The following SPON1 variants were observed in gnomAD, a reference collection of about 807,000 sequenced individuals.
SPON1 encodes spondin 1, also known as spondin-1.
SPON1 carries 52 observed loss-of-function variants against 111.7 expected under a neutral mutation model. That is an observed-to-expected ratio of 0.47 (90% CI 0.37 to 0.59). The LOEUF (loss-of-function observed/expected upper bound fraction) is 0.59, where lower values mean the gene tolerates loss of function less well. Ranked by LOEUF, SPON1 falls within the 20% of genes least tolerant of loss-of-function variation. SPON1 has a pLI of 0.00. For synonymous variants in SPON1, 410 were observed against 395.8 expected (o/e 1.04, Z -0.43); for missense variants, 957 against 1,068.5 (o/e 0.90, Z 1.46).
At chr11:14,117,620 T>C (rs1339213140) in intron 5 of SPON1, among the ~76,000 whole-genome samples, 1 of 152,214 alleles carries the variant, frequency 6.6e-6, no homozygotes, top group African/African-American at 2.4e-5. Flanking sequence ...ATGAAAGAGA[T>C]TGGGCTTCCA....
intron 3 of SPON1, among the ~76,000 whole-genome samples, chr11:14,054,481 A>C (rs1241500932): frequency 2.0e-5 from 3 of 152,198 alleles, no homozygotes; most frequent in Admixed American, 6.5e-5. Flanking sequence ...ATTAACAATG[A>C]TATCAGAATT....
chr11:14,251,779 C>T lies in SPON1; in HGVS notation c.891-2749C>T, dbSNP rs151026337. Among the ~76,000 whole-genome samples, 739 of 152,334 alleles carry T rather than the reference C, an allele frequency of 4.9e-3. 18 individuals carry two copies. The highest frequency in any genetic ancestry group is 0.032 in the East Asian group (168 of 5,190). On this transcript the variant is annotated intron_variant, in intron 7 of 15. Transcript: ENST00000576479. ...CTAGAAGGCAGACCAGAACCCCGTC[C>T]TGTGAGTCCCTAGGCGAGGTAATGC... is the stretch of plus-strand genomic sequence containing the variant.
Position 14,254,718 on chromosome 11 carries a change from G to T in SPON1, c.1081G>T (p.Val361Leu). 1 of 1,613,842 alleles carries T rather than the reference G, an allele frequency of 6.2e-7. No homozygotes were observed. Among genetic ancestry groups the T allele is most frequent in the Non-Finnish European group, 8.5e-7 (1 of 1,179,886 alleles). ...CTGGGACGCTGGCACCGACAGCGGGGTGACCTATGAGGTGTGTGTGTGTGC... is the reference window on the plus strand; with the variant it reads ...CTGGGACGCTGGCACCGACAGCGGGTTGACCTATGAGGTGTGTGTGTGTGC... ...IPWDAGTDSG[V>L]TYESPNKPTI... Residue 361 changes from valine (V) to leucine (L), a missense_variant, in exon 8 of 16, where the codon GTG becomes TTG. By Grantham distance (32) the Val-to-Leu change is conservative (BLOSUM62 1). Transcript: ENST00000576479.
At chr11:14,192,409 A>G (rs187823272) in intron 6 of SPON1, among the ~76,000 whole-genome samples, 1 of 152,332 alleles carries the variant, frequency 6.6e-6, no homozygotes, top group Admixed American at 6.5e-5. Flanking sequence ...AGTCATTTGT[A>G]GCTTTGACAT....
chr11:14,211,365 GAACTC>G (rs1374114320), intron 6 of SPON1, among the ~76,000 whole-genome samples: 5 of 152,102 alleles, frequency 3.3e-5, no homozygotes, highest in African/African-American at 1.2e-4. Flanking sequence ...AATCATGAGC[GAACTC>G]CCATTCACAA....
chr11:14,063,295 TA>T (rs563264511), intron 3 of SPON1, among the ~76,000 whole-genome samples: 1 of 152,084 alleles, frequency 6.6e-6, no homozygotes, highest in East Asian at 1.9e-4. Flanking sequence ...ACCATTAAAA[TA>T]AAAAAAATTC....
At chr11:14,048,003 G>A (rs1319553752) in intron 3 of SPON1, among the ~76,000 whole-genome samples, 1 of 152,216 alleles carries the variant, frequency 6.6e-6, no homozygotes, top group East Asian at 1.9e-4. Flanking sequence ...ATTTTGGGAG[G>A]CTGAGGCGGG....
intron 6 of SPON1, among the ~76,000 whole-genome samples, chr11:14,152,371 T>C (rs1847798432): frequency 6.6e-6 from 1 of 152,224 alleles, no homozygotes; most frequent in Admixed American, 6.5e-5. Flanking sequence ...AACTACTGCT[T>C]CATTAATCAA....
chr11:14,049,282 C>T (rs1203139130), intron 3 of SPON1, among the ~76,000 whole-genome samples: 2 of 152,300 alleles, frequency 1.3e-5, no homozygotes, highest in African/African-American at 2.4e-5. Flanking sequence ...TTTTTTATCA[C>T]TGCTCTACAT....
chr11:14,017,541 T>C (rs1393542638), intron 2 of SPON1, among the ~76,000 whole-genome samples: 1 of 152,220 alleles, frequency 6.6e-6, no homozygotes, highest in East Asian at 1.9e-4. Context: ...ATTCATCCTG[T>C]CATTTGAGCT....
intron 6 of SPON1, among the ~76,000 whole-genome samples, chr11:14,193,090 A>G (rs1022386591): frequency 3.3e-5 from 5 of 152,364 alleles, no homozygotes; most frequent in African/African-American, 1.2e-4. Context: ...TCTCTGATGT[A>G]TTTGCTCCAA....
Position 14,038,551 on chromosome 11 carries a change from A to G in SPON1, c.346-2970A>G, listed in dbSNP as rs574651955. Among the ~76,000 whole-genome samples, 11 of 152,332 alleles carry G rather than the reference A, an allele frequency of 7.2e-5. No individual in the cohort carries two copies. In the South Asian group the frequency reaches 8.3e-4, roughly 11 times the overall value. On this transcript the variant is annotated intron_variant, in intron 2 of 15. Transcript: ENST00000576479. ...ATAAAAAATGGTAAAAGACCCAAAC[A>G]GAAACCTCACCAAAGAAAATATACA...
intron 5 of SPON1, among the ~76,000 whole-genome samples, chr11:14,131,128 G>A (rs112307148): frequency 0.022 from 3,315 of 152,248 alleles, 123 homozygotes; most frequent in African/African-American, 0.075. Flanking sequence ...TAGCCCTGAA[G>A]TTCTTTTTCA....
At chr11:14,236,211 G>A (rs1188924514) in intron 6 of SPON1, among the ~76,000 whole-genome samples, 2 of 152,190 alleles carry the variant, frequency 1.3e-5, no homozygotes, top group African/African-American at 4.8e-5. Flanking sequence ...GCTGAGCGAT[G>A]ATGGTGGCTT....
At chr11:14,256,788 T>C (rs1849113935) in intron 10 of SPON1, 96 bp downstream of exon 10, 1 of 908,892 alleles carries the variant, frequency 1.1e-6, no homozygotes, top group African/African-American at 1.7e-5. Flanking sequence ...ATAAACCATG[T>C]GCTTTGACTT....
intron 7 of SPON1, among the ~76,000 whole-genome samples, chr11:14,246,000 T>G (rs1383508267): frequency 6.6e-6 from 1 of 152,272 alleles, no homozygotes; most frequent in Non-Finnish European, 1.5e-5. Context: ...CTCCTTACTC[T>G]GCTGTCTCTT....
At position 13,965,469 on chromosome 11, in the gene SPON1, G is replaced by A. The variant is rs144878561; in HGVS notation, c.238+2327G>A. Among the ~76,000 whole-genome samples the A allele has an allele frequency of 7.9e-5, 12 of 152,268 alleles. 1 individual carries two copies. The highest frequency in any genetic ancestry group is 3.4e-3 in the Middle Eastern group (1 of 294). On this transcript the variant is annotated intron_variant, in intron 1 of 15. Transcript: ENST00000576479. ...AGCTGGTATTCACGGGGCCAAAGAG[G>A]TTTCAGAACTACCTAAACGTCCAGG...
intron 6 of SPON1, among the ~76,000 whole-genome samples, chr11:14,150,048 AG>A (rs1343984452): frequency 6.6e-6 from 1 of 152,210 alleles, no homozygotes; most frequent in Non-Finnish European, 1.5e-5. Context: ...TATTCACAAT[AG>A]CCAAGATATG....
chr11:14,252,686 T>C (rs113672217), intron 7 of SPON1, among the ~76,000 whole-genome samples: 4,021 of 92,506 alleles, frequency 0.043, 102 homozygotes, highest in African/African-American at 0.099. Context: ...TTGCCTCAGC[T>C]GAAGGCAAGA....
Sources: gnomAD v4.1 joint callset for allele counts (sites outside exome capture counted in the v4.1 genomes callset) on GRCh38, gnomAD v4.1.1 for gene constraint, MANE v1.5 for transcripts, NCBI Gene and HGNC (gene_info 2026-07-23, HGNC 2026-07-21) for gene names.